Variants in CADPS2 observed in about 807,000 individuals in gnomAD.
CADPS2 encodes calcium-dependent secretion activator 2.
CADPS2 carries 93 observed loss-of-function variants against 172.5 expected under a neutral mutation model. The observed-to-expected ratio is 0.54, with a 90% confidence interval of 0.46 to 0.64. The LOEUF is 0.64. Among genes scored for constraint, CADPS2 ranks in the 30% least tolerant of loss-of-function variants. The probability of loss-of-function intolerance (pLI) is 0.00; values close to 1 mark genes in which losing one functional copy is unlikely to be tolerated. For synonymous variants in CADPS2, 546 were observed against 555.2 expected (o/e 0.98, Z 0.23); for missense variants, 1,420 against 1,565.9 (o/e 0.91, Z 1.57).
chr7:122,867,299 G>A (rs1818561409), intron 1 of CADPS2, among the ~76,000 whole-genome samples: 1 of 152,112 alleles, frequency 6.6e-6, no homozygotes, highest in African/African-American at 2.4e-5. Flanking sequence ...GCTCCTGACT[G>A]TCCCTCCTCT....
At chr7:122,546,717 T>C (rs979796887) in intron 8 of CADPS2, among the ~76,000 whole-genome samples, 1 of 152,196 alleles carries the variant, frequency 6.6e-6, no homozygotes, top group Non-Finnish European at 1.5e-5. Context: ...CCCACTGCCA[T>C]GCTCTGACTC....
At chr7:122,580,395 A>G (rs1260559134) in intron 7 of CADPS2, among the ~76,000 whole-genome samples, 1 of 150,936 alleles carries the variant, frequency 6.6e-6, no homozygotes, top group Non-Finnish European at 1.5e-5. Flanking sequence ...GTGGGTTGCA[A>G]TGAGCCGAGG....
At chr7:122,833,336 C>T (rs1179246259) in intron 1 of CADPS2, among the ~76,000 whole-genome samples, 4 of 151,934 alleles carry the variant, frequency 2.6e-5, no homozygotes, top group Non-Finnish European at 4.4e-5. Context: ...TTGATATGTA[C>T]CATGCTTTAT....
At chr7:122,844,128 C>T (rs970632368) in intron 1 of CADPS2, among the ~76,000 whole-genome samples, 1 of 152,168 alleles carries the variant, frequency 6.6e-6, no homozygotes, top group Non-Finnish European at 1.5e-5. Context: ...CTCACACGGC[C>T]CCACTAGGGA....
chr7:122,675,352 T>C (rs2082278082), intron 2 of CADPS2, among the ~76,000 whole-genome samples: 1 of 152,162 alleles, frequency 6.6e-6, no homozygotes, highest in East Asian at 1.9e-4. Flanking sequence ...AGAACAATGG[T>C]CACGTACCGG....
At chr7:122,398,934 A>G (rs1443857791) in intron 20 of CADPS2, among the ~76,000 whole-genome samples, 2 of 152,162 alleles carry the variant, frequency 1.3e-5, no homozygotes, top group African/African-American at 4.8e-5. Context: ...CCATTTAAGT[A>G]GACTAGGAAA....
chr7:122,651,389 C>A (rs1468530088), intron 3 of CADPS2, among the ~76,000 whole-genome samples: 1 of 152,118 alleles, frequency 6.6e-6, no homozygotes, highest in Non-Finnish European at 1.5e-5. Context: ...TGCCTCATGG[C>A]TCCTGGACTT....
intron 27 of CADPS2, 64 bp from the exon 28 acceptor site, chr7:122,345,745 T>A: frequency 9.6e-7 from 1 of 1,039,390 alleles, no homozygotes; most frequent in Non-Finnish European, 1.5e-6. Context: ...AATTATTATT[T>A]AATCATACCC....
At chr7:122,875,484 TG>T (rs1255572199) in intron 1 of CADPS2, among the ~76,000 whole-genome samples, 2 of 152,168 alleles carry the variant, frequency 1.3e-5, no homozygotes, top group African/African-American at 4.8e-5. Flanking sequence ...AAGATAGGAA[TG>T]ATTACTATAA....
At chr7:122,708,395 CATA>C (rs749783730) in intron 2 of CADPS2, among the ~76,000 whole-genome samples, 1 of 149,572 alleles carries the variant, frequency 6.7e-6, no homozygotes, top group Admixed American at 6.7e-5. Context: ...TTAGAATATT[CATA>C]ATGAGTTCAA....
chr7:122,429,710 T>C (rs571460687), intron 17 of CADPS2, among the ~76,000 whole-genome samples: 5 of 152,324 alleles, frequency 3.3e-5, no homozygotes, highest in Non-Finnish European at 7.3e-5. Context: ...ATTTCAGGTC[T>C]ATTATTTAGG....
intron 8 of CADPS2, among the ~76,000 whole-genome samples, chr7:122,515,832 A>G (rs1315666709): frequency 7.4e-6 from 1 of 135,202 alleles, no homozygotes; most frequent in East Asian, 2.4e-4. Flanking sequence ...AAAATTAATT[A>G]AAAAATAATA....
At chr7:122,844,124 C>T (rs57496424) in intron 1 of CADPS2, among the ~76,000 whole-genome samples, 11 of 152,310 alleles carry the variant, frequency 7.2e-5, no homozygotes, top group Admixed American at 2.6e-4. Flanking sequence ...GCTCCTCACA[C>T]GGCCCCACTA....
chr7:122,764,193 T>G (rs1254572357), intron 1 of CADPS2, among the ~76,000 whole-genome samples: 1 of 152,074 alleles, frequency 6.6e-6, no homozygotes, highest in Non-Finnish European at 1.5e-5. Context: ...GAATGCCTTA[T>G]CTGATCCCTA....
At chr7:122,401,586 G>T (rs1013075612) in intron 20 of CADPS2, among the ~76,000 whole-genome samples, 8 of 152,166 alleles carry the variant, frequency 5.3e-5, no homozygotes, top group African/African-American at 1.9e-4. Flanking sequence ...TAGTCACTCA[G>T]TATCATTGAA....
intron 9 of CADPS2, among the ~76,000 whole-genome samples, chr7:122,502,267 T>C (rs1199117608): frequency 6.6e-6 from 1 of 152,290 alleles, no homozygotes; most frequent in East Asian, 1.9e-4. Context: ...TTTAATAATT[T>C]TTCTCTTAAA....
Position 122,402,106 on chromosome 7 carries a change from T to C in CADPS2, c.2746+5434A>G, listed in dbSNP as rs76785466. Among the ~76,000 whole-genome samples, 1,059 of 152,270 alleles carry C rather than the reference T, an allele frequency of 7.0e-3. 13 individuals carry two copies. The highest frequency in any genetic ancestry group is 0.025 in the African/African-American group (1,018 of 41,540). ...TTCCCTCACTAATTAGTTCAGTCTCTAGAAGTCTTGTCACAGATGGTTCCT... is the reference window on the plus strand; with the variant it reads ...TTCCCTCACTAATTAGTTCAGTCTCCAGAAGTCTTGTCACAGATGGTTCCT... On this transcript the variant is annotated intron_variant, in intron 20 of 29. Coordinates refer to ENST00000449022, the MANE Select transcript of CADPS2 (RefSeq NM_017954.11).
chr7:122,478,932 T>C (rs2056995079), intron 12 of CADPS2, among the ~76,000 whole-genome samples: 1 of 152,112 alleles, frequency 6.6e-6, no homozygotes, highest in Admixed American at 6.5e-5. Context: ...GAACTTAAAG[T>C]ATAATAAAAA....
At position 122,886,232 on chromosome 7, in the gene CADPS2, G is replaced by T. The variant is rs1252456658; in HGVS notation, c.106C>A (p.Pro36Thr). Residue 36 changes from proline to threonine, a missense_variant, in exon 1 of 30, where the codon CCG becomes ACG. Pro to Thr is a conservative substitution (Grantham distance 38, BLOSUM62 -1). Transcript: ENST00000449022. ...GCGTCCCGCCGCCCTTCCCGAGTCGGGGCTGGAGGAGCTCGCTGCGAGCTG... is the reference window on the plus strand; with the variant it reads ...GCGTCCCGCCGCCCTTCCCGAGTCGTGGCTGGAGGAGCTCGCTGCGAGCTG... ...AGSSQRAPPA[P>T]TREGRRDAPG... is the part of the protein sequence containing the mutation. The T allele has an allele frequency of 6.7e-7, 1 of 1,494,824 alleles. No individual in the cohort carries two copies. Among genetic ancestry groups the T allele is most frequent in the Non-Finnish European group, 8.9e-7 (1 of 1,129,694 alleles). The allele number at this position is 1,494,824 out of a possible 1,614,324, so 92.6% of individuals were successfully genotyped here. A position where few individuals can be genotyped will look rare whatever the true frequency, so the allele number is the denominator to read the frequency against.
Sources: allele counts gnomAD v4.1 joint callset (sites outside exome capture counted in the v4.1 genomes callset), GRCh38; gene constraint gnomAD v4.1.1; transcripts MANE v1.5; gene names NCBI Gene and HGNC (gene_info 2026-07-23, HGNC 2026-07-21).